The following NAALADL2 variants were observed in gnomAD, a reference collection of about 807,000 sequenced individuals.
The protein encoded by NAALADL2 is inactive N-acetylated-alpha-linked acidic dipeptidase-like protein 2.
A neutral mutation model predicts 87.2 loss-of-function variants in NAALADL2; 76 were observed. The ratio of observed to expected loss-of-function variants is 0.87; its 90% CI spans 0.72 to 1.05. NAALADL2 has a LOEUF of 1.05. Among genes scored for constraint, NAALADL2 ranks in the 50% least tolerant of loss-of-function variants. The probability of loss-of-function intolerance (pLI) is 0.00; values close to 1 mark genes in which losing one functional copy is unlikely to be tolerated. For synonymous variants in NAALADL2, 354 were observed against 331.0 expected, an observed-to-expected ratio of 1.07 and a Z score of -0.75; for missense variants, 1,089 against 945.8, an observed-to-expected ratio of 1.15 and a Z score of -1.99.
rs201715176 is a variant in NAALADL2 at position 175,750,483 on chromosome 3, A to G, written c.1991-4737A>G. 2.0e-5 allele frequency among the ~76,000 whole-genome samples: 3 copies of G among 151,948 alleles called. No individual in the cohort carries two copies. The East Asian group carries it at 5.8e-4, about 29-fold the overall frequency. ...AATACTTCTTACAATATCCAGCTCC[A>G]TTCTTTCCATAACAAGCCAGAAAAA... On this transcript the variant is annotated intron_variant, in intron 12 of 13. Transcript: ENST00000454872.
chr3:175,218,844 T>C (rs1008335053), intron 2 of NAALADL2, among the ~76,000 whole-genome samples: 1 of 151,990 alleles, frequency 6.6e-6, no homozygotes, highest in Admixed American at 6.6e-5. Context: ...TTGCTCTTTT[T>C]GCCCAGGCTG....
intron 9 of NAALADL2, among the ~76,000 whole-genome samples, chr3:175,474,503 A>T (rs371615719): frequency 6.6e-6 from 1 of 152,186 alleles, no homozygotes. Context: ...TCTTGATATG[A>T]TAGTCTTATC....
Position 175,465,208 on chromosome 3 carries a change from C to T in NAALADL2, c.1327+1715C>T, listed in dbSNP as rs573630515. Among the ~76,000 whole-genome samples the T allele has an allele frequency of 1.1e-3, 165 of 147,966 alleles. 1 individual carries two copies. Among genetic ancestry groups the T allele is most frequent in the African/African-American group, 3.9e-3 (156 of 39,774 alleles). ...CGGAGCTTGCAGTGAGCAGAGATCA[C>T]GCCACTGCACTCCAGCCTGGGCGAC... On this transcript the variant is annotated intron_variant, in intron 7 of 13. Transcript: ENST00000454872.
chr3:174,809,618 A>G (rs569796400), intron 3 of NAALADL2, among the ~76,000 whole-genome samples: 1 of 150,838 alleles, frequency 6.6e-6, no homozygotes, highest in South Asian at 2.1e-4. Flanking sequence ...CTCATATATA[A>G]CTTCAAAAAA....
chr3:174,969,407 G>C (rs1273655951), intron 1 of NAALADL2, among the ~76,000 whole-genome samples: 1 of 152,066 alleles, frequency 6.6e-6, no homozygotes, highest in Non-Finnish European at 1.5e-5. Flanking sequence ...TTCCCATAAA[G>C]ATGAGGATAT....
chr3:174,985,224 G>A (rs984970232), intron 1 of NAALADL2, among the ~76,000 whole-genome samples: 4 of 152,128 alleles, frequency 2.6e-5, no homozygotes, highest in African/African-American at 9.7e-5. Context: ...GTTCACTGTT[G>A]ATCAGATCTG....
At position 174,548,317 on chromosome 3, in the gene NAALADL2, CAG is replaced by C. The variant is rs745734515; in HGVS notation, c.-183-2250_-183-2249del. 2.0e-5 allele frequency among the ~76,000 whole-genome samples: 3 copies of C among 151,942 alleles called. 1 individual carries two copies. The highest frequency in any genetic ancestry group is 2.9e-5 in the Non-Finnish European group (2 of 67,964). On this transcript the variant is annotated intron_variant, in intron 1 of 3. Coordinates refer to the NAALADL2 transcript ENST00000434257. ...ATTTCTGATGTGTTAAGTGAAAAAA[CAG>C]AATGCAGAATTGGACTCACAGTACA...
chr3:175,161,198 A>G (rs1025876287), intron 2 of NAALADL2, among the ~76,000 whole-genome samples: 1 of 152,114 alleles, frequency 6.6e-6, no homozygotes, highest in African/African-American at 2.4e-5. Context: ...ATCTGATGAG[A>G]GTCCAGGTTC....
intron 2 of NAALADL2, among the ~76,000 whole-genome samples, chr3:175,138,779 A>C (rs1208498310): frequency 6.7e-6 from 1 of 148,830 alleles, no homozygotes; most frequent in East Asian, 2.0e-4. Context: ...GGAAATACAC[A>C]TAAGATATTG....
At chr3:175,536,737 T>A (rs1243262542) in intron 9 of NAALADL2, among the ~76,000 whole-genome samples, 1 of 152,208 alleles carries the variant, frequency 6.6e-6, no homozygotes, top group Non-Finnish European at 1.5e-5. Flanking sequence ...ATGGTTGCGA[T>A]CTCCTGACCT....
At chr3:175,163,807 C>A (rs1464375267) in intron 2 of NAALADL2, among the ~76,000 whole-genome samples, 2 of 152,102 alleles carry the variant, frequency 1.3e-5, no homozygotes, top group Non-Finnish European at 2.9e-5. Flanking sequence ...TGGGTGAGTA[C>A]CAGAGGGGCA....
chr3:175,467,322 T>C (rs1370189516), intron 8 of NAALADL2, 138 bp downstream of exon 8: 5 of 653,056 alleles, frequency 7.7e-6, no homozygotes, highest in Non-Finnish European at 1.3e-5. Flanking sequence ...CTGAGATGGC[T>C]TATAATAATA....
intron 1 of NAALADL2, among the ~76,000 whole-genome samples, chr3:174,893,423 GTGT>G (rs1393205099): frequency 6.6e-6 from 1 of 152,054 alleles, no homozygotes; most frequent in Non-Finnish European, 1.5e-5. Context: ...TAGCTGTGGT[GTGT>G]AAACTATTAT....
intron 3 of NAALADL2, among the ~76,000 whole-genome samples, chr3:174,774,170 A>G (rs2109119474): frequency 6.6e-6 from 1 of 152,196 alleles, no homozygotes; most frequent in African/African-American, 2.4e-5. Context: ...TGGCCTTCTT[A>G]TATGGGATTA....
At position 175,196,557 on chromosome 3, in the gene NAALADL2, T is replaced by G. The variant is rs1310454183; in HGVS notation, c.546-37374T>G. Among the ~76,000 whole-genome samples the G allele has an allele frequency of 1.3e-5, 2 of 151,964 alleles. 1 individual carries two copies. Among genetic ancestry groups the G allele is most frequent in the African/African-American group, 4.8e-5 (2 of 41,438 alleles). On this transcript the variant is annotated intron_variant, in intron 2 of 13. Coordinates refer to ENST00000454872, the MANE Select transcript of NAALADL2 (RefSeq NM_207015.3). Reference sequence around the variant, plus strand: ...TTAGCTGGCATTAAATTCTTCAGCTTTAGACTATCCACCTTCCTTTTGCTT... The same window carrying G: ...TTAGCTGGCATTAAATTCTTCAGCTGTAGACTATCCACCTTCCTTTTGCTT...
At chr3:175,571,902 T>C (rs1718133659) in intron 9 of NAALADL2, among the ~76,000 whole-genome samples, 1 of 152,152 alleles carries the variant, frequency 6.6e-6, no homozygotes, top group Admixed American at 6.6e-5. Flanking sequence ...AACAAAAGCA[T>C]GAAAGGACAA....
intron 3 of NAALADL2, among the ~76,000 whole-genome samples, chr3:174,745,123 C>T (rs1734123929): frequency 6.6e-6 from 1 of 151,722 alleles, no homozygotes; most frequent in Admixed American, 6.6e-5. Flanking sequence ...GAGATAGAGA[C>T]ACAAAAAACC....
At chr3:174,955,900 G>C (rs887242582) in intron 1 of NAALADL2, among the ~76,000 whole-genome samples, 1 of 152,046 alleles carries the variant, frequency 6.6e-6, no homozygotes, top group Non-Finnish European at 1.5e-5. Flanking sequence ...TACTGTTTAA[G>C]AAACCACACT....
intron 1 of NAALADL2, among the ~76,000 whole-genome samples, chr3:175,004,951 G>T (rs897310692): frequency 1.3e-5 from 2 of 151,796 alleles, no homozygotes; most frequent in Middle Eastern, 3.5e-3. Context: ...ATATAAAATT[G>T]TGACAATGGT....
Sources: gnomAD v4.1 joint callset for allele counts (sites outside exome capture counted in the v4.1 genomes callset) on GRCh38, gnomAD v4.1.1 for gene constraint, MANE v1.5 for transcripts, NCBI Gene and HGNC (gene_info 2026-07-23, HGNC 2026-07-21) for gene names.